The following ZNF714 variants were observed in gnomAD, a reference collection of about 807,000 sequenced individuals.
ZNF714 encodes zinc finger protein 714.
Under a neutral mutation model 46.2 loss-of-function variants are expected in ZNF714, and 32 were observed. The observed-to-expected ratio is 0.69, with a 90% CI of 0.52 to 0.93. The LOEUF is 0.93. ZNF714 is among the 40% of genes least tolerant of loss of function. The pLI is 0.00. For missense variants in ZNF714, 635 were observed against 646.3 expected (o/e 0.98, Z 0.19); for synonymous variants, 199 against 213.1 (o/e 0.93, Z 0.58).
At chr19:21,084,167 GA>G (rs1968721888) in intron 2 of ZNF714, 98 bp downstream of exon 2, 1 of 371,394 alleles carries the variant, frequency 2.7e-6, no homozygotes, top group Non-Finnish European at 3.7e-6. Context: ...TGTAGTGAAA[GA>G]AAAAATAGTG....
chr19:21,104,043 A>C (rs2144853704), intron 4 of ZNF714, among the ~76,000 whole-genome samples: 1 of 152,042 alleles, frequency 6.6e-6, no homozygotes, highest in African/African-American at 2.4e-5. Context: ...CTTGACAAAC[A>C]CCGTTCCACT....
chr19:21,112,695 T>C (rs796428089), intron 4 of ZNF714, among the ~76,000 whole-genome samples: 2 of 151,970 alleles, frequency 1.3e-5, no homozygotes, highest in African/African-American at 4.8e-5. Flanking sequence ...TCTTTCTGGC[T>C]TTTTCATTTG....
chr19:21,084,083 G>A lies in ZNF714; in HGVS notation c.-85+14G>A. ...TACTTTGAAAAGGTAATCAGATGCT[G>A]GTACTGAGGGGAAAACACAGAAATA... On this transcript the variant is annotated intron_variant, in intron 2 of 4. Coordinates refer to ENST00000456283, the MANE Select transcript of ZNF714 (RefSeq NM_182515.4). 9.5e-7 allele frequency: 1 copy of A among 1,055,058 alleles called. No homozygotes were observed. The highest frequency in any genetic ancestry group is 2.7e-4 in the Middle Eastern group (1 of 3,698). The allele number at this position is 1,055,058 out of a possible 1,614,324, so 65.4% of individuals were successfully genotyped here. A position where few individuals can be genotyped will look rare whatever the true frequency, so the allele number is the denominator to read the frequency against.
At chr19:21,106,258 A>C (rs1377528781) in intron 4 of ZNF714, among the ~76,000 whole-genome samples, 4 of 151,628 alleles carry the variant, frequency 2.6e-5, no homozygotes, top group Admixed American at 2.0e-4. Flanking sequence ...CCGTCACTCC[A>C]AAAATAAATA....
chr19:21,083,981 G>A lies in ZNF714; in HGVS notation c.-173G>A, dbSNP rs193172197. 11 of 1,289,588 alleles carry A rather than the reference G, an allele frequency of 8.5e-6. No individual in the cohort carries two copies. The highest frequency in any genetic ancestry group is 2.6e-5 in the Admixed American group (1 of 38,078). The allele number at this position is 1,289,588 out of a possible 1,614,324, so 79.9% of individuals were successfully genotyped here. On this transcript the variant is annotated 5_prime_UTR_variant, in exon 2 of 5. Coordinates refer to ENST00000456283, the MANE Select transcript of ZNF714 (RefSeq NM_182515.4). ...TCTGGTTTATTTTCTTCCATAGGGC[G>A]ACCTGAGGTCTGGAGTGTATCCTCT...
chr19:21,110,966 T>C (rs766110693), intron 4 of ZNF714, among the ~76,000 whole-genome samples: 1 of 152,202 alleles, frequency 6.6e-6, no homozygotes, highest in Non-Finnish European at 1.5e-5. Context: ...TTTATAACAG[T>C]ACCAGGCAGC....
rs1381279394 is a variant in ZNF714 at position 21,098,856 on chromosome 19, C to G, written c.88C>G (p.Gln30Glu). 1 of 1,606,790 alleles carries G rather than the reference C, an allele frequency of 6.2e-7. No individual in the cohort carries two copies. Among genetic ancestry groups the G allele is most frequent in the East Asian group, 2.2e-5 (1 of 44,536 alleles). Residue 30 changes from glutamine to glutamate, a missense_variant, in exon 4 of 5, where the codon CAA becomes GAA. Coordinates refer to ENST00000456283, the MANE Select transcript of ZNF714 (RefSeq NM_182515.4). ...SKQDPITSLE[Q>E]EKEPWNMKIC... ...GCAAGACCCGATCACCAGTCTAGAG[C>G]AAGAAAAAGAGCCCTGGAATATGAA...
At chr19:21,103,187 G>T (rs1029507815) in intron 4 of ZNF714, among the ~76,000 whole-genome samples, 4 of 151,748 alleles carry the variant, frequency 2.6e-5, no homozygotes, top group African/African-American at 4.8e-5. Context: ...TTTGTGATTT[G>T]AAGGTAATTT....
intron 2 of ZNF714, among the ~76,000 whole-genome samples, chr19:21,093,303 G>A (rs1025827466): frequency 6.6e-6 from 1 of 151,858 alleles, no homozygotes; most frequent in African/African-American, 2.4e-5. Context: ...CGCCACCTCA[G>A]CTCACCACAA....
rs1448783198 is a variant in ZNF714, at chr19:21,118,007, C to T, written c.1343C>T (p.Thr448Ile). ...CTTACTACACATAAGAGAATTCACA[C>T]TGGAGAGAAACCCTACAAATGTGAA... ...SNLTTHKRIH[T>I]GEKPYKCEEC... is the part of the protein sequence containing the mutation. The change falls in exon 5 of 5, where the codon ACT (threonine) becomes ATT (isoleucine). Residue 448 changes from threonine (T) to isoleucine (I), a missense_variant. Thr to Ile is a moderately conservative substitution (Grantham distance 89). Coordinates refer to ENST00000456283, the MANE Select transcript of ZNF714 (RefSeq NM_182515.4). 21 of 1,613,656 alleles carry T rather than the reference C, an allele frequency of 1.3e-5. No homozygotes were observed. Among genetic ancestry groups the T allele is most frequent in the Non-Finnish European group, 1.7e-5 (20 of 1,180,020 alleles).
chr19:21,123,657 G>A lies in ZNF714; in HGVS notation c.*5325G>A, dbSNP rs1969746485. ...GGCATGAGCCACAGTGCCCGGCCAC[G>A]AATTTAATTTTCTATGATATAATTA... On this transcript the variant is annotated 3_prime_UTR_variant, in exon 5 of 5. Coordinates refer to ENST00000456283, the MANE Select transcript of ZNF714 (RefSeq NM_182515.4). 6.6e-6 allele frequency among the ~76,000 whole-genome samples: 1 copy of A among 152,080 alleles called. No individual in the cohort carries two copies. Among genetic ancestry groups the A allele is most frequent in the South Asian group, 2.1e-4 (1 of 4,828 alleles).
intron 4 of ZNF714, among the ~76,000 whole-genome samples, chr19:21,099,517 T>C (rs894000190): frequency 1.3e-5 from 2 of 152,158 alleles, no homozygotes; most frequent in African/African-American, 4.8e-5. Context: ...AGTTCTCTTT[T>C]TGCATCCTGT....
intron 2 of ZNF714, among the ~76,000 whole-genome samples, chr19:21,088,558 T>C (rs1241840347): frequency 6.6e-6 from 1 of 152,214 alleles, no homozygotes; most frequent in Non-Finnish European, 1.5e-5. Context: ...TTGAAGACAT[T>C]TTTATTTTCC....
chr19:21,113,586 A>G (rs1284584845), intron 4 of ZNF714, among the ~76,000 whole-genome samples: 2 of 150,342 alleles, frequency 1.3e-5, no homozygotes, highest in African/African-American at 2.5e-5. Flanking sequence ...GGCTCACTGT[A>G]ACCTCCACCT....
chr19:21,086,743 C>T (rs951668840), intron 2 of ZNF714, among the ~76,000 whole-genome samples: 2 of 152,166 alleles, frequency 1.3e-5, no homozygotes, highest in African/African-American at 2.4e-5. Flanking sequence ...CCTATTTTAT[C>T]CAGCCCCTAT....
At chr19:21,085,033 AGT>A (rs1968743078) in intron 2 of ZNF714, among the ~76,000 whole-genome samples, 2 of 152,216 alleles carry the variant, frequency 1.3e-5, no homozygotes, top group Admixed American at 6.5e-5. Flanking sequence ...TCTTTCCCAG[AGT>A]GAGTTTAAAA....
Position 21,118,877 on chromosome 19 carries a change from TGATTGTAGGTA to T in ZNF714, c.*546_*556del, listed in dbSNP as rs1184913586. 1.4e-5 allele frequency: 3 copies of T among 211,994 alleles called. No individual in the cohort carries two copies. The highest frequency in any genetic ancestry group is 7.2e-5 in the African/African-American group (3 of 41,746). 13.1% of individuals were successfully genotyped at this position (211,994 alleles called of 1,614,324 possible). A position where few individuals can be genotyped will look rare whatever the true frequency, so the allele number is the denominator to read the frequency against. ...AAAGCCTTTAAATGGTTGTCACACT[TGATTGTAGGTA>T]AGATAATTCATACTGGAGAAAACAC... On this transcript the variant is annotated 3_prime_UTR_variant, in exon 5 of 5. Transcript: ENST00000456283.
At chr19:21,113,664 G>A (rs1004276347) in intron 4 of ZNF714, among the ~76,000 whole-genome samples, 7 of 151,636 alleles carry the variant, frequency 4.6e-5, no homozygotes, top group South Asian at 2.1e-4. Context: ...ATACTGCCAC[G>A]CCTGGCTAAT....
At chr19:21,101,988 A>G (rs939927193) in intron 4 of ZNF714, among the ~76,000 whole-genome samples, 2 of 152,090 alleles carry the variant, frequency 1.3e-5, no homozygotes, top group Non-Finnish European at 2.9e-5. Context: ...GGGAGATGGG[A>G]TCTTGTTTAT....
Sources: gnomAD v4.1 joint callset for allele counts (sites outside exome capture counted in the v4.1 genomes callset) on GRCh38, gnomAD v4.1.1 for gene constraint, MANE v1.5 for transcripts, NCBI Gene and HGNC (gene_info 2026-07-23, HGNC 2026-07-21) for gene names.